The following NKAIN2 variants were observed in gnomAD, a reference collection of about 807,000 sequenced individuals.
The protein encoded by NKAIN2 is sodium/potassium transporting ATPase interacting 2.
In NKAIN2, 14 loss-of-function variants were observed where a neutral mutation model predicts 32.6. The ratio of observed to expected loss-of-function variants is 0.43; its 90% CI spans 0.28 to 0.67. NKAIN2 has a LOEUF of 0.67. Among genes scored for constraint, NKAIN2 ranks in the 30% least tolerant of loss-of-function variants. The pLI, the probability that NKAIN2 is intolerant of heterozygous loss-of-function variation, is 0.17. For synonymous variants in NKAIN2, 80 were observed against 87.2 expected (o/e 0.92, Z 0.46); for missense variants, 198 against 258.3 (o/e 0.77, Z 1.60).
At position 124,287,817 on chromosome 6, in the gene NKAIN2, G is replaced by A. The variant is rs151062445; in HGVS notation, c.192+4675G>A. On this transcript the variant is annotated intron_variant, in intron 2 of 6. Coordinates refer to ENST00000368417, the MANE Select transcript of NKAIN2 (RefSeq NM_001040214.3). The stretch of plus-strand genomic sequence containing the variant: ...AATAATGTTAAGGAGCTGCACTGGC[G>A]CTAAGGAGCTGCTTTAGATTATCTA... Among the ~76,000 whole-genome samples the A allele has an allele frequency of 4.6e-5, 7 of 152,224 alleles. No individual in the cohort carries two copies. In the East Asian group the frequency reaches 5.8e-4, roughly 13 times the overall value.
At chr6:124,726,120 G>C (rs973296255) in intron 4 of NKAIN2, among the ~76,000 whole-genome samples, 1 of 152,196 alleles carries the variant, frequency 6.6e-6, no homozygotes, top group Non-Finnish European at 1.5e-5. Flanking sequence ...AGGCGGCAGC[G>C]AGCCTGGGGG....
intron 1 of NKAIN2, among the ~76,000 whole-genome samples, chr6:124,125,614 A>G (rs1415028105): frequency 6.6e-6 from 1 of 152,190 alleles, no homozygotes; most frequent in East Asian, 1.9e-4. Flanking sequence ...AAATGTTGTA[A>G]TAAAGATATA....
Position 123,848,179 on chromosome 6 carries a change from T to C in NKAIN2, c.54+43925T>C, listed in dbSNP as rs189882851. ...TGTGGCTGAAAGACAAAAGATGCTTTAGAAACCTGTACTGGAGCCTAGAGC... is the reference window on the plus strand; with the variant it reads ...TGTGGCTGAAAGACAAAAGATGCTTCAGAAACCTGTACTGGAGCCTAGAGC... On this transcript the variant is annotated intron_variant, in intron 1 of 6. Coordinates refer to ENST00000368417, the MANE Select transcript of NKAIN2 (RefSeq NM_001040214.3). 6.9e-3 allele frequency among the ~76,000 whole-genome samples: 1,052 copies of C among 152,318 alleles called. 2 individuals are homozygous for C. Among genetic ancestry groups the C allele is most frequent in the Non-Finnish European group, 0.01 (697 of 68,032 alleles).
intron 1 of NKAIN2, among the ~76,000 whole-genome samples, chr6:123,951,998 A>G (rs769830598): frequency 7.4e-5 from 11 of 148,514 alleles, no homozygotes; most frequent in South Asian, 2.1e-4. Flanking sequence ...TTTGGTTTCT[A>G]TCTTCTTCTG....
At chr6:124,682,410 G>A (rs980965000) in intron 4 of NKAIN2, among the ~76,000 whole-genome samples, 1 of 152,148 alleles carries the variant, frequency 6.6e-6, no homozygotes, top group African/African-American at 2.4e-5. Flanking sequence ...TTCATATTCT[G>A]TAGGAGGGTC....
chr6:124,357,046 A>T (rs1033177889), intron 3 of NKAIN2, among the ~76,000 whole-genome samples: 16 of 152,186 alleles, frequency 1.1e-4, no homozygotes, highest in Admixed American at 6.5e-5. Flanking sequence ...TGGTGATTTC[A>T]TGACCTCAGA....
At chr6:123,952,160 T>A (rs974918172) in intron 1 of NKAIN2, among the ~76,000 whole-genome samples, 3 of 152,102 alleles carry the variant, frequency 2.0e-5, no homozygotes, top group Non-Finnish European at 4.4e-5. Context: ...ATGTATACAT[T>A]TGCAGGGCTT....
chr6:124,493,277 G>C (rs1777936061), intron 3 of NKAIN2, among the ~76,000 whole-genome samples: 1 of 151,964 alleles, frequency 6.6e-6, no homozygotes, highest in Non-Finnish European at 1.5e-5. Context: ...CTTCAGATGA[G>C]TTCAATGTCA....
At chr6:124,208,766 ATATT>A (rs61581190) in intron 1 of NKAIN2, among the ~76,000 whole-genome samples, 89,264 of 150,258 alleles carry the variant, frequency 0.59, 28,368 homozygotes, top group South Asian at 0.72. Context: ...ATGCAGAAAA[ATATT>A]TATTTATTTA....
chr6:124,048,657 C>T (rs1327257549), intron 1 of NKAIN2, among the ~76,000 whole-genome samples: 1 of 151,984 alleles, frequency 6.6e-6, no homozygotes, highest in Non-Finnish European at 1.5e-5. Context: ...ACTAAAATGC[C>T]TTCCAGGATT....
At chr6:124,614,570 C>T (rs1166018788) in intron 3 of NKAIN2, among the ~76,000 whole-genome samples, 2 of 151,898 alleles carry the variant, frequency 1.3e-5, no homozygotes, top group East Asian at 3.9e-4. Flanking sequence ...TATTTTAATC[C>T]CTTCTCTCTT....
At chr6:124,065,033 A>G (rs1350916386) in intron 1 of NKAIN2, among the ~76,000 whole-genome samples, 1 of 152,136 alleles carries the variant, frequency 6.6e-6, no homozygotes, top group East Asian at 1.9e-4. Context: ...GTGGACCATG[A>G]AAATCCCACA....
chr6:124,698,936 G>A (rs766821595), intron 4 of NKAIN2, among the ~76,000 whole-genome samples: 62 of 152,112 alleles, frequency 4.1e-4, no homozygotes, highest in Non-Finnish European at 7.9e-4. Flanking sequence ...GGTAAAGGTT[G>A]AGAGTTAAAT....
chr6:124,643,907 A>G (rs1784077340), intron 3 of NKAIN2, among the ~76,000 whole-genome samples: 1 of 152,248 alleles, frequency 6.6e-6, no homozygotes, highest in Non-Finnish European at 1.5e-5. Flanking sequence ...TAACAGTTAT[A>G]TGCATGTGTG....
chr6:124,429,328 G>A (rs534348696), intron 3 of NKAIN2, among the ~76,000 whole-genome samples: 3 of 152,136 alleles, frequency 2.0e-5, no homozygotes, highest in East Asian at 1.9e-4. Context: ...GATTACTGGC[G>A]TGAGCCACTG....
At chr6:124,246,609 A>G (rs929163252) in intron 1 of NKAIN2, among the ~76,000 whole-genome samples, 5 of 152,058 alleles carry the variant, frequency 3.3e-5, no homozygotes, top group African/African-American at 4.8e-5. Flanking sequence ...TCATAGTGAG[A>G]TGAGTTTGAG....
chr6:124,218,786 C>T lies in NKAIN2; in HGVS notation c.55-64219C>T, dbSNP rs1211994529. ...CTTTTAAATACCAGTTACTAGTAGA[C>T]CAAGTGTAACTCCTGGTGACAGCTA... is the stretch of plus-strand genomic sequence containing the variant. On this transcript the variant is annotated intron_variant, in intron 1 of 6. Transcript: ENST00000368417. Among the ~76,000 whole-genome samples, 3 of 152,058 alleles carry T rather than the reference C, an allele frequency of 2.0e-5. No homozygotes were observed. The East Asian group carries it at 5.8e-4, about 29-fold the overall frequency.
At chr6:124,225,202 A>G (rs1053617088) in intron 1 of NKAIN2, among the ~76,000 whole-genome samples, 7 of 152,082 alleles carry the variant, frequency 4.6e-5, no homozygotes, top group Non-Finnish European at 1.0e-4. Flanking sequence ...CTCTTAATTA[A>G]TGCTTCCACA....
chr6:123,955,590 T>TTTTATTTTA (rs1777536784), intron 1 of NKAIN2, among the ~76,000 whole-genome samples: 3 of 136,664 alleles, frequency 2.2e-5, no homozygotes, highest in Non-Finnish European at 3.1e-5. Context: ...ATTTAAACAT[T>TTTTATTTTA]TTTTATTTTA....
Sources: allele counts gnomAD v4.1 joint callset (sites outside exome capture counted in the v4.1 genomes callset), GRCh38; gene constraint gnomAD v4.1.1; transcripts MANE v1.5; gene names NCBI Gene and HGNC (gene_info 2026-07-23, HGNC 2026-07-21).